CDH4: variants seen among roughly 807,000 people sequenced by gnomAD.
CDH4 encodes cadherin 4.
In CDH4, 33 loss-of-function variants were observed where a neutral mutation model predicts 86.0. That is an observed-to-expected ratio of 0.38 (90% CI 0.29 to 0.51). The LOEUF is 0.51. Among genes scored for constraint, CDH4 ranks in the 20% least tolerant of loss-of-function variants. The probability of loss-of-function intolerance (pLI) is 0.86; values close to 1 mark genes in which losing one functional copy is unlikely to be tolerated. For missense variants in CDH4, 1,114 were observed against 1,307.4 expected (o/e 0.85, Z 2.28); for synonymous variants, 555 against 549.4 (o/e 1.01, Z -0.14).
At chr20:61,712,624 A>G (rs934758913) in intron 2 of CDH4, among the ~76,000 whole-genome samples, 5 of 152,078 alleles carry the variant, frequency 3.3e-5, no homozygotes, top group African/African-American at 1.2e-4. Flanking sequence ...TGGTGCAAAA[A>G]ACCAATCCTA....
chr20:61,512,639 G>GCACC (rs950214210), intron 2 of CDH4, among the ~76,000 whole-genome samples: 4 of 152,320 alleles, frequency 2.6e-5, no homozygotes, highest in African/African-American at 4.8e-5. Flanking sequence ...TCCAACACCG[G>GCACC]CACCCAAAGA....
intron 2 of CDH4, among the ~76,000 whole-genome samples, chr20:61,530,905 G>A (rs6061270): frequency 0.2 from 31,111 of 152,040 alleles, 5,330 homozygotes; most frequent in African/African-American, 0.46. Flanking sequence ...TGCTGAATAC[G>A]TGTTGGAAAG....
chr20:61,275,083 T>TGC (rs1199216675), intron 2 of CDH4, among the ~76,000 whole-genome samples: 10 of 42,154 alleles, frequency 2.4e-4, no homozygotes, highest in Non-Finnish European at 2.2e-4. Context: ...GTACCATGTG[T>TGC]AGTTTGGGGG....
chr20:61,340,585 GT>G (rs1347284996), intron 2 of CDH4, among the ~76,000 whole-genome samples: 3 of 150,724 alleles, frequency 2.0e-5, no homozygotes, highest in East Asian at 3.9e-4. Flanking sequence ...TTATTTATAT[GT>G]TTCTTTTTTT....
chr20:61,725,930 C>A (rs1568779997), intron 2 of CDH4, among the ~76,000 whole-genome samples: 1 of 152,232 alleles, frequency 6.6e-6, no homozygotes, highest in Non-Finnish European at 1.5e-5. Context: ...CTGGCCGGTC[C>A]TGTGTCTTGT....
At chr20:61,284,297 G>A (rs2084281432) in intron 2 of CDH4, among the ~76,000 whole-genome samples, 2 of 152,080 alleles carry the variant, frequency 1.3e-5, no homozygotes, top group Admixed American at 6.5e-5. Context: ...CTGGGCAATA[G>A]AGCAAGACTC....
chr20:61,733,722 A>AAAG (rs2088225423), intron 2 of CDH4, among the ~76,000 whole-genome samples: 1 of 152,006 alleles, frequency 6.6e-6, no homozygotes. Context: ...AGAAAGAAAG[A>AAAG]AAAAGAAAAG....
intron 2 of CDH4, among the ~76,000 whole-genome samples, chr20:61,729,050 C>G (rs1254446794): frequency 3.9e-5 from 6 of 152,198 alleles, no homozygotes; most frequent in African/African-American, 1.4e-4. Flanking sequence ...CTCCAGCCGT[C>G]CTCGCCCATG....
chr20:61,485,757 G>C (rs534398222), intron 2 of CDH4, among the ~76,000 whole-genome samples: 1 of 152,374 alleles, frequency 6.6e-6, no homozygotes, highest in African/African-American at 2.4e-5. Context: ...CCAGACAGCT[G>C]TCTGTGCTGC....
intron 2 of CDH4, among the ~76,000 whole-genome samples, chr20:61,380,366 C>T (rs772722810): frequency 2.4e-4 from 37 of 152,150 alleles, no homozygotes; most frequent in Non-Finnish European, 4.4e-4. Context: ...CACTCATCCC[C>T]GTTTTACCCA....
chr20:61,257,041 G>C (rs1387977820), intron 2 of CDH4, among the ~76,000 whole-genome samples: 2 of 152,228 alleles, frequency 1.3e-5, no homozygotes, highest in Admixed American at 1.3e-4. Context: ...TGTGTGAAGA[G>C]GAAACAGGAA....
chr20:61,335,795 T>C (rs1337031181), intron 2 of CDH4, among the ~76,000 whole-genome samples: 1 of 152,182 alleles, frequency 6.6e-6, no homozygotes, highest in Non-Finnish European at 1.5e-5. Flanking sequence ...GGCTAGCATC[T>C]GCATCCTGTC....
chr20:61,304,616 T>C (rs904071271), intron 2 of CDH4, among the ~76,000 whole-genome samples: 2 of 152,112 alleles, frequency 1.3e-5, no homozygotes, highest in Non-Finnish European at 2.9e-5. Context: ...TTAAGAGGCC[T>C]AGAGAAAAGG....
chr20:61,842,365 CA>C (rs1440442044), intron 4 of CDH4, among the ~76,000 whole-genome samples: 3 of 152,206 alleles, frequency 2.0e-5, no homozygotes, highest in Non-Finnish European at 4.4e-5. Context: ...TCCTGCATTT[CA>C]AGGTCTGCAA....
Position 61,269,291 on chromosome 20 carries a change from G to T in CDH4, c.169+14354G>T, listed in dbSNP as rs1483491535. On this transcript the variant is annotated intron_variant, in intron 2 of 15. Transcript: ENST00000614565. This position sits in a 1 kb window ranked among gnomAD's most constrained non-coding sequence, Gnocchi z 5.3. ...CCCTGGAGGAGCCAGGATTGATGGG[G>T]GGCAGCCTTCAGAGCCCAACCCTCC... Among the ~76,000 whole-genome samples the T allele has an allele frequency of 6.6e-6, 1 of 152,142 alleles. No homozygotes were observed. Among genetic ancestry groups the T allele is most frequent in the African/African-American group, 2.4e-5 (1 of 41,446 alleles).
intron 3 of CDH4, among the ~76,000 whole-genome samples, chr20:61,746,727 G>T (rs1246566723): frequency 6.6e-6 from 1 of 152,238 alleles, no homozygotes; most frequent in African/African-American, 2.4e-5. Context: ...AAGGGTGCTG[G>T]TATTTCATGA....
At chr20:61,817,247 G>A (rs890217971) in intron 4 of CDH4, among the ~76,000 whole-genome samples, 15 of 152,212 alleles carry the variant, frequency 9.9e-5, no homozygotes, top group African/African-American at 3.6e-4. Flanking sequence ...AGGACCCCAA[G>A]GCAGGGGCCC....
At chr20:61,333,738 G>A (rs139749812) in intron 2 of CDH4, among the ~76,000 whole-genome samples, 14 of 152,378 alleles carry the variant, frequency 9.2e-5, no homozygotes, top group African/African-American at 3.1e-4. Flanking sequence ...GAAGAGCATC[G>A]TGATGTGGTT....
chr20:61,306,701 T>C (rs1452731204), intron 2 of CDH4, among the ~76,000 whole-genome samples: 1 of 152,178 alleles, frequency 6.6e-6, no homozygotes, highest in Non-Finnish European at 1.5e-5. Context: ...AGTGGCCAGA[T>C]GGTGTATCAT....
Sources: allele counts gnomAD v4.1 joint callset (sites outside exome capture counted in the v4.1 genomes callset), GRCh38; gene constraint gnomAD v4.1.1; non-coding constraint Gnocchi (gnomAD v3.1); transcripts MANE v1.5; gene names NCBI Gene and HGNC (gene_info 2026-07-23, HGNC 2026-07-21).